The following EML1 variants were observed in gnomAD, a reference collection of about 807,000 sequenced individuals.
EML1 encodes EMAP like 1, also known as echinoderm microtubule-associated protein-like 1.
A neutral mutation model predicts 110.4 loss-of-function variants in EML1; 27 were observed. That is an observed-to-expected ratio of 0.24 (90% CI 0.18 to 0.34). EML1 has a LOEUF of 0.34. Ranked by LOEUF, EML1 falls within the 10% of genes least tolerant of loss-of-function variation. The probability of loss-of-function intolerance (pLI) is 1.00; values close to 1 mark genes in which losing one functional copy is unlikely to be tolerated. For synonymous variants in EML1, 344 were observed against 385.8 expected, an observed-to-expected ratio of 0.89 and a Z score of 1.27; for missense variants, 741 against 1,030.9, an observed-to-expected ratio of 0.72 and a Z score of 3.85.
rs796960608 is a variant in EML1 at position 99,935,469 on chromosome 14, GA to G, written c.1910-549del. ...GACAAAGCAAAACCCTGTCTCAAAA[GA>G]AAAAAAAAAAGAGTTCATAAAAATT... is the stretch of plus-strand genomic sequence containing the variant. On this transcript the variant is annotated intron_variant, in intron 17 of 21. Transcript: ENST00000262233. 2.9e-3 allele frequency among the ~76,000 whole-genome samples: 398 copies of G among 139,004 alleles called. 3 individuals are homozygous for G. Among genetic ancestry groups the G allele is most frequent in the African/African-American group, 8.7e-3 (327 of 37,754 alleles). 91.2% of individuals were successfully genotyped at this position (139,004 alleles called of 152,430 possible).
chr14:99,758,003 C>T (rs2140183063), intron 1 of EML1, among the ~76,000 whole-genome samples: 1 of 152,282 alleles, frequency 6.6e-6, no homozygotes, highest in South Asian at 2.1e-4. Flanking sequence ...GAGCATGGTG[C>T]CTGGCATATG....
chr14:99,847,701 C>G (rs1292077143), intron 1 of EML1, among the ~76,000 whole-genome samples: 1 of 152,104 alleles, frequency 6.6e-6, no homozygotes, highest in Non-Finnish European at 1.5e-5. Flanking sequence ...CTCTATTAGG[C>G]ACATATGATT....
Position 99,920,944 on chromosome 14 carries a change from T to C in EML1, c.1909+67T>C, listed in dbSNP as rs1010147684. On this transcript the variant is annotated intron_variant, in intron 17 of 21. Coordinates refer to ENST00000262233, the MANE Select transcript of EML1 (RefSeq NM_004434.3). ...CTTTTATTTTAAGTTCTGGAGTCCATGTGCAGGATGTGTCGGTTTGTTACA... is the reference window on the plus strand; with the variant it reads ...CTTTTATTTTAAGTTCTGGAGTCCACGTGCAGGATGTGTCGGTTTGTTACA... 6.2e-6 allele frequency: 9 copies of C among 1,454,408 alleles called. No homozygotes were observed. The African/African-American group carries it at 8.5e-5, about 14-fold the overall frequency. 90.1% of individuals were successfully genotyped at this position (1,454,408 alleles called of 1,614,324 possible). A position where few individuals can be genotyped will look rare whatever the true frequency, so the allele number is the denominator to read the frequency against.
At chr14:99,924,919 T>C (rs2060206391) in intron 17 of EML1, among the ~76,000 whole-genome samples, 1 of 152,236 alleles carries the variant, frequency 6.6e-6, no homozygotes, top group Admixed American at 6.5e-5. Flanking sequence ...CAACTTCACA[T>C]TCCTGTGGTA....
At chr14:99,825,927 G>A (rs1347100472) in intron 1 of EML1, among the ~76,000 whole-genome samples, 2 of 152,146 alleles carry the variant, frequency 1.3e-5, no homozygotes, top group Non-Finnish European at 2.9e-5. Context: ...TTTTTACAAA[G>A]TCTTGCCTCT....
chr14:99,893,435 G>T (rs1323053805), intron 5 of EML1, among the ~76,000 whole-genome samples: 1 of 152,156 alleles, frequency 6.6e-6, no homozygotes, highest in African/African-American at 2.4e-5. Context: ...CATAGGCAGG[G>T]ATGATCGCGT....
chr14:99,789,037 C>T (rs541317345), upstream of EML1, among the ~76,000 whole-genome samples: 1 of 152,206 alleles, frequency 6.6e-6, no homozygotes, highest in African/African-American at 2.4e-5. Context: ...GGATGGACCA[C>T]ATTTTGTTTA....
intron 1 of EML1, among the ~76,000 whole-genome samples, chr14:99,838,038 C>T (rs1308475188): frequency 6.6e-6 from 1 of 152,066 alleles, no homozygotes; most frequent in African/African-American, 2.4e-5. Flanking sequence ...TGGGCTCAAC[C>T]ACTCCCCCCA....
chr14:99,886,993 C>A (rs562182677), intron 4 of EML1, among the ~76,000 whole-genome samples: 1 of 152,356 alleles, frequency 6.6e-6, no homozygotes, highest in African/African-American at 2.4e-5. Context: ...GTGTTCACAG[C>A]TGCCTCTGCG....
chr14:99,940,372 C>G lies in EML1; in HGVS notation c.*260C>G, dbSNP rs762138605. ...TGCAACGTTTACATTATAGCCACAT[C>G]AACAGAAGTAACTGGTATATTCTTA... On this transcript the variant is annotated 3_prime_UTR_variant, in exon 22 of 22. Transcript: ENST00000262233. The G allele has an allele frequency of 2.0e-5, 6 of 305,672 alleles. No individual in the cohort carries two copies. The highest frequency in any genetic ancestry group is 3.5e-5 in the Non-Finnish European group (6 of 169,444). 18.9% of individuals were successfully genotyped at this position (305,672 alleles called of 1,614,324 possible).
chr14:99,811,081 A>G (rs2058068821), intron 1 of EML1, among the ~76,000 whole-genome samples: 1 of 148,504 alleles, frequency 6.7e-6, no homozygotes, highest in Non-Finnish European at 1.5e-5. Context: ...TATGATGTTC[A>G]CCTCATACAC....
chr14:99,741,268 G>T (rs895232867), intron 1 of EML1, among the ~76,000 whole-genome samples: 8 of 152,120 alleles, frequency 5.3e-5, no homozygotes, highest in African/African-American at 1.9e-4. Flanking sequence ...GTAACCTTCC[G>T]CCAGTCCCAC....
At chr14:99,738,092 C>A (rs1284138644) in intron 1 of EML1, among the ~76,000 whole-genome samples, 1 of 152,230 alleles carries the variant, frequency 6.6e-6, no homozygotes, top group African/African-American at 2.4e-5. Flanking sequence ...GGAAGCTGTG[C>A]CTGATTCAAG....
intron 1 of EML1, among the ~76,000 whole-genome samples, chr14:99,836,432 A>G (rs554797485): frequency 6.6e-6 from 1 of 152,298 alleles, no homozygotes; most frequent in East Asian, 1.9e-4. Flanking sequence ...GGGATTTTCT[A>G]CATAGACATT....
chr14:99,917,452 G>A (rs2060052074), intron 15 of EML1, among the ~76,000 whole-genome samples: 1 of 152,134 alleles, frequency 6.6e-6, no homozygotes, highest in South Asian at 2.1e-4. Context: ...ACACACACCT[G>A]TAGTCCCAGC....
upstream of EML1, among the ~76,000 whole-genome samples, chr14:99,770,185 T>C (rs535981745): frequency 2.0e-5 from 3 of 152,328 alleles, no homozygotes; most frequent in East Asian, 5.8e-4. Context: ...ATAGACTTGG[T>C]GGATAAAACA....
intron 2 of EML1, among the ~76,000 whole-genome samples, chr14:99,852,611 AAAAC>A (rs961834887): frequency 3.9e-5 from 6 of 152,220 alleles, no homozygotes; most frequent in Non-Finnish European, 7.3e-5. Flanking sequence ...TCTCAAAACA[AAAAC>A]AAACAAAAGG....
upstream of EML1, among the ~76,000 whole-genome samples, chr14:99,771,044 A>C (rs1003083519): frequency 1.7e-4 from 26 of 152,126 alleles, no homozygotes; most frequent in Non-Finnish European, 3.2e-4. Context: ...TCAGCCTCCC[A>C]AAGTGCTGGG....
At chr14:99,866,492 C>T (rs1399748429) in intron 3 of EML1, among the ~76,000 whole-genome samples, 1 of 149,120 alleles carries the variant, frequency 6.7e-6, no homozygotes, top group Non-Finnish European at 1.5e-5. Flanking sequence ...ATCGCTTGAA[C>T]CTGGAAGGCC....
Sources: gnomAD v4.1 joint callset for allele counts (sites outside exome capture counted in the v4.1 genomes callset) on GRCh38, gnomAD v4.1.1 for gene constraint, MANE v1.5 for transcripts, NCBI Gene and HGNC (gene_info 2026-07-23, HGNC 2026-07-21) for gene names.